The following SLC26A7 variants were observed in gnomAD, a reference collection of about 807,000 sequenced individuals.
SLC26A7 encodes anion exchange transporter.
Under a neutral mutation model 82.5 loss-of-function variants are expected in SLC26A7, and 59 were observed. The ratio of observed to expected loss-of-function variants is 0.72; its 90% confidence interval spans 0.58 to 0.89. The LOEUF (loss-of-function observed/expected upper bound fraction) is 0.89, where lower values mean the gene tolerates loss of function less well. SLC26A7 is among the 40% of genes least tolerant of loss of function. The probability of loss-of-function intolerance (pLI) is 0.00; values close to 1 mark genes in which losing one functional copy is unlikely to be tolerated. For missense variants in SLC26A7, 820 were observed against 793.0 expected, an observed-to-expected ratio of 1.03 and a Z score of -0.41; for synonymous variants, 271 against 274.3, an observed-to-expected ratio of 0.99 and a Z score of 0.12.
At chr8:91,275,059 A>G (rs1399848192) in intron 2 of SLC26A7, among the ~76,000 whole-genome samples, 1 of 152,254 alleles carries the variant, frequency 6.6e-6, no homozygotes, top group East Asian at 1.9e-4. Flanking sequence ...TCTCTCTTCC[A>G]CTTCTCTTAT....
At chr8:91,371,024 A>T (rs1005181812) in intron 15 of SLC26A7, among the ~76,000 whole-genome samples, 2 of 151,916 alleles carry the variant, frequency 1.3e-5, no homozygotes, top group Non-Finnish European at 3.0e-5. Context: ...TTAGATTTTT[A>T]AAAATGTTAC....
At position 91,339,304 on chromosome 8, in the gene SLC26A7, C is replaced by G. The variant is rs562555935; in HGVS notation, c.878+1072C>G. Among the ~76,000 whole-genome samples, 3 of 152,194 alleles carry G rather than the reference C, an allele frequency of 2.0e-5. No homozygotes were observed. In the East Asian group the frequency reaches 5.8e-4, roughly 29 times the overall value. On this transcript the variant is annotated intron_variant, in intron 7 of 18. Coordinates refer to ENST00000276609, the MANE Select transcript of SLC26A7 (RefSeq NM_052832.4). Reference sequence around the variant, plus strand: ...TAAAAAAAAAAGTCACGCCACTCCTCTATCACCTCTAATTCTCCTTTATTT... The same window carrying G: ...TAAAAAAAAAAGTCACGCCACTCCTGTATCACCTCTAATTCTCCTTTATTT...
At chr8:91,350,292 T>C (rs544405739) in intron 9 of SLC26A7, among the ~76,000 whole-genome samples, 1 of 152,076 alleles carries the variant, frequency 6.6e-6, no homozygotes, top group Non-Finnish European at 1.5e-5. Context: ...AGGACAAGTG[T>C]TGTGGGTGTG....
At chr8:91,273,208 G>A (rs1215400864) in intron 2 of SLC26A7, among the ~76,000 whole-genome samples, 1 of 151,934 alleles carries the variant, frequency 6.6e-6, no homozygotes, top group African/African-American at 2.4e-5. Context: ...GTGGTGAGAG[G>A]GACCAAAATA....
chr8:91,341,026 G>A (rs924482730), intron 8 of SLC26A7, among the ~76,000 whole-genome samples: 2 of 149,800 alleles, frequency 1.3e-5, no homozygotes, highest in African/African-American at 4.9e-5. Context: ...TAGGGTACAT[G>A]TGCACATTGT....
chr8:91,329,540 G>T (rs1813021650), intron 5 of SLC26A7, among the ~76,000 whole-genome samples: 1 of 152,076 alleles, frequency 6.6e-6, no homozygotes, highest in Non-Finnish European at 1.5e-5. Context: ...TCATTCTGGG[G>T]TGGTCATTTT....
At chr8:91,225,226 G>A (rs1228151071) in intron 2 of SLC26A7, among the ~76,000 whole-genome samples, 1 of 152,244 alleles carries the variant, frequency 6.6e-6, no homozygotes, top group Non-Finnish European at 1.5e-5. Context: ...AGTTCATTAG[G>A]CTTGAACAGA....
chr8:91,289,780 T>C (rs543713670), intron 3 of SLC26A7, among the ~76,000 whole-genome samples: 2 of 152,370 alleles, frequency 1.3e-5, no homozygotes, highest in East Asian at 3.9e-4. Flanking sequence ...ATTTGATATG[T>C]GGACTAAATG....
intron 15 of SLC26A7, among the ~76,000 whole-genome samples, chr8:91,384,865 A>G (rs911575267): frequency 3.9e-5 from 6 of 152,176 alleles, no homozygotes; most frequent in East Asian, 1.9e-4. Flanking sequence ...TTTGTCTTCA[A>G]TATTTATCTT....
chr8:91,265,044 C>T (rs1303992181), intron 2 of SLC26A7, among the ~76,000 whole-genome samples: 1 of 151,996 alleles, frequency 6.6e-6, no homozygotes, highest in Non-Finnish European at 1.5e-5. Flanking sequence ...CTCCCTCTCC[C>T]CCATCCCCTT....
At chr8:91,213,989 A>G (rs1047751230) in intron 1 of SLC26A7, among the ~76,000 whole-genome samples, 26 of 152,180 alleles carry the variant, frequency 1.7e-4, no homozygotes, top group Middle Eastern at 3.4e-3. Context: ...CCTACTGAAC[A>G]TGTGGGGGAA....
intron 4 of SLC26A7, 119 bp downstream of exon 4, chr8:91,295,822 T>G: frequency 1.1e-6 from 1 of 933,902 alleles, no homozygotes; most frequent in Admixed American, 2.8e-5. Flanking sequence ...AAAGGCCTGA[T>G]GTGTTTTATC....
intron 5 of SLC26A7, among the ~76,000 whole-genome samples, chr8:91,321,923 A>C (rs530085621): frequency 6.6e-6 from 1 of 152,214 alleles, no homozygotes; most frequent in South Asian, 2.1e-4. Flanking sequence ...TTGTGCACTG[A>C]TGATAATTAT....
chr8:91,234,687 A>C (rs1377045331), intron 2 of SLC26A7, among the ~76,000 whole-genome samples: 1 of 152,182 alleles, frequency 6.6e-6, no homozygotes, highest in East Asian at 1.9e-4. Flanking sequence ...GGGAAAATTG[A>C]AAATAATCTT....
chr8:91,370,254 G>A (rs1212361248), intron 15 of SLC26A7, among the ~76,000 whole-genome samples: 1 of 137,894 alleles, frequency 7.3e-6, no homozygotes, highest in African/African-American at 2.7e-5. Flanking sequence ...CCTCTTCCCT[G>A]TTCTCTCTTC....
intron 2 of SLC26A7, among the ~76,000 whole-genome samples, chr8:91,287,498 G>C (rs1811743894): frequency 6.6e-6 from 1 of 152,188 alleles, no homozygotes; most frequent in African/African-American, 2.4e-5. Context: ...GATCCTGTCA[G>C]TATTGACCAC....
intron 9 of SLC26A7, among the ~76,000 whole-genome samples, chr8:91,344,644 A>G (rs1489369291): frequency 6.6e-6 from 1 of 152,228 alleles, no homozygotes; most frequent in African/African-American, 2.4e-5. Context: ...AGGAAGCAGT[A>G]ACCAATTCTG....
intron 1 of SLC26A7, among the ~76,000 whole-genome samples, chr8:91,210,769 G>T (rs1316451916): frequency 6.6e-6 from 1 of 151,936 alleles, no homozygotes; most frequent in East Asian, 1.9e-4. Flanking sequence ...ATATAGCATG[G>T]ATTAAAAACA....
upstream of SLC26A7, among the ~76,000 whole-genome samples, chr8:91,246,697 T>C (rs565654203): frequency 2.2e-4 from 33 of 148,352 alleles, no homozygotes; most frequent in Admixed American, 1.0e-3. Context: ...CGAGACTCTG[T>C]CTTAAAAAAA....
Sources: allele counts gnomAD v4.1 joint callset (sites outside exome capture counted in the v4.1 genomes callset), GRCh38; gene constraint gnomAD v4.1.1; transcripts MANE v1.5; gene names NCBI Gene and HGNC (gene_info 2026-07-23, HGNC 2026-07-21).